HHIP: variants seen among roughly 807,000 people sequenced by gnomAD.
The protein encoded by HHIP is hedgehog-interacting protein.
Under a neutral mutation model 74.0 loss-of-function variants are expected in HHIP, and 12 were observed. That is an observed-to-expected ratio of 0.16 (90% confidence interval 0.10 to 0.26). The LOEUF (loss-of-function observed/expected upper bound fraction) is 0.26, where lower values mean the gene tolerates loss of function less well. Among genes scored for constraint, HHIP ranks in the 10% least tolerant of loss-of-function variants. HHIP has a pLI of 1.00. For missense variants in HHIP, 788 were observed against 845.0 expected (o/e 0.93, Z 0.84); for synonymous variants, 309 against 311.6 (o/e 0.99, Z 0.09).
chr4:144,683,557 CT>C (rs1451626137), intron 4 of HHIP, among the ~76,000 whole-genome samples: 2 of 152,186 alleles, frequency 1.3e-5, no homozygotes, highest in African/African-American at 4.8e-5. Flanking sequence ...ATACCAACTG[CT>C]TCCACATATG....
At chr4:144,651,036 A>G (rs2126574883) in intron 1 of HHIP, 1 of 152,280 alleles carries the variant, frequency 6.6e-6, no homozygotes, top group East Asian at 1.9e-4. Context: ...GTGGACTGCC[A>G]TATGATAAAC....
intron 4 of HHIP, among the ~76,000 whole-genome samples, chr4:144,664,133 A>T (rs1418759297): frequency 6.6e-6 from 1 of 152,248 alleles, no homozygotes; most frequent in Non-Finnish European, 1.5e-5. Flanking sequence ...AACAAGTGTC[A>T]CTGGACTCCT....
chr4:144,738,325 A>T lies in HHIP; in HGVS notation c.*368A>T, dbSNP rs1469770806. On this transcript the variant is annotated 3_prime_UTR_variant, in exon 13 of 13. Coordinates refer to ENST00000296575, the MANE Select transcript of HHIP (RefSeq NM_022475.3). ...TTTCTGTCTGTAATCACTAAAGTCA[A>T]CTTTAATAGAGTTTTGAAACAGTAC... 1 of 982,600 alleles carries T rather than the reference A, an allele frequency of 1.0e-6. No individual in the cohort carries two copies. The highest frequency in any genetic ancestry group is 1.7e-5 in the African/African-American group (1 of 57,208). The allele number at this position is 982,600 out of a possible 1,614,324, so 60.9% of individuals were successfully genotyped here. A position where few individuals can be genotyped will look rare whatever the true frequency, so the allele number is the denominator to read the frequency against.
rs559488932 is a variant in HHIP at position 144,696,811 on chromosome 4, C to T, written c.832-9720C>T. 1.9e-4 allele frequency among the ~76,000 whole-genome samples: 29 copies of T among 151,030 alleles called. No homozygotes were observed. The South Asian group carries it at 3.5e-3, about 18-fold the overall frequency. ...AAATCACTCAGCACAGTCTCTGTCA[C>T]GCAGTAAGAACTCAGTACATCCTAT... On this transcript the variant is annotated intron_variant, in intron 4 of 12. Transcript: ENST00000296575.
chr4:144,674,971 T>C (rs1729134507), intron 4 of HHIP, among the ~76,000 whole-genome samples: 1 of 152,220 alleles, frequency 6.6e-6, no homozygotes, highest in Non-Finnish European at 1.5e-5. Context: ...TTTGTGTTTC[T>C]AATTCTAAAT....
chr4:144,672,788 G>A (rs1274383511), intron 4 of HHIP, among the ~76,000 whole-genome samples: 2 of 152,086 alleles, frequency 1.3e-5, no homozygotes, highest in African/African-American at 4.8e-5. Context: ...TGCAACCCCT[G>A]CCTCCCGGGT....
intron 4 of HHIP, among the ~76,000 whole-genome samples, chr4:144,706,003 G>A (rs1014747640): frequency 7.9e-5 from 12 of 152,186 alleles, no homozygotes; most frequent in Admixed American, 1.3e-4. Flanking sequence ...GACCACCATC[G>A]TTGTGACAAC....
At chr4:144,721,843 C>T (rs1730646500) in intron 11 of HHIP, among the ~76,000 whole-genome samples, 1 of 150,034 alleles carries the variant, frequency 6.7e-6, no homozygotes, top group South Asian at 2.1e-4. Context: ...GAGGAGGTTG[C>T]AGTGAATCGA....
chr4:144,658,772 T>C lies in HHIP; in HGVS notation c.473-18T>C. ...TGACATTAGGTGCTTCTAATGAGTC[T>C]TTTTATATTTTTTAAAGGTTTCCTT... On this transcript the variant is annotated intron_variant, in intron 2 of 12. Transcript: ENST00000296575. 6.2e-7 allele frequency: 1 copy of C among 1,604,456 alleles called. No homozygotes were observed. Among genetic ancestry groups the C allele is most frequent in the Non-Finnish European group, 8.5e-7 (1 of 1,174,816 alleles).
At position 144,741,406 on chromosome 4, in the gene HHIP, G is replaced by A. The variant is rs1731259951; in HGVS notation, c.*3449G>A. The A allele has an allele frequency of 1.6e-5, 2 of 125,146 alleles. No individual in the cohort carries two copies. The highest frequency in any genetic ancestry group is 9.4e-5 in the Admixed American group (1 of 10,592). The allele number at this position is 125,146 out of a possible 1,614,324, so 7.8% of individuals were successfully genotyped here. A position where few individuals can be genotyped will look rare whatever the true frequency, so the allele number is the denominator to read the frequency against. On this transcript the variant is annotated 3_prime_UTR_variant, in exon 13 of 13. Transcript: ENST00000296575. ...GTTTCTTTTTTTTTTTTTTTGAGAC[G>A]GAGCCTTGCTATGTTGCCCAGGCTG...
intron 4 of HHIP, among the ~76,000 whole-genome samples, chr4:144,704,241 C>T (rs772270291): frequency 2.6e-5 from 4 of 152,152 alleles, no homozygotes; most frequent in Non-Finnish European, 5.9e-5. Flanking sequence ...AATTTCTAAA[C>T]TACTTTGCAC....
Position 144,737,908 on chromosome 4 carries a change from T to G in HHIP, c.2054T>G (p.Ile685Ser), listed in dbSNP as rs1158444668. The change falls in exon 13 of 13, where the codon ATC becomes AGC. Residue 685 changes from isoleucine (I) to serine (S), a missense_variant. Transcript: ENST00000296575. ...RVTRAGILDQ[I>S]IDMTSYLLDL... ...ACCAGGGCAGGTATTCTTGATCAGATCATTGACATGACATCTTACTTGCTG... is the reference window on the plus strand; with the variant it reads ...ACCAGGGCAGGTATTCTTGATCAGAGCATTGACATGACATCTTACTTGCTG... 4 of 1,613,252 alleles carry G rather than the reference T, an allele frequency of 2.5e-6. No homozygotes were observed. The highest frequency in any genetic ancestry group is 3.4e-6 in the Non-Finnish European group (4 of 1,179,506).
intron 10 of HHIP, 199 bp downstream of exon 10, chr4:144,715,629 T>C (rs1009964328): frequency 2.7e-6 from 1 of 373,758 alleles, no homozygotes; most frequent in South Asian, 1.0e-4. Context: ...AGAGCCTTTA[T>C]ATTTTATTTT....
intron 1 of HHIP, chr4:144,650,543 C>T (rs1324753133): frequency 6.6e-6 from 1 of 152,076 alleles, no homozygotes; most frequent in Non-Finnish European, 1.5e-5. Context: ...CACACCCAGA[C>T]TCATCTGTCT....
intron 4 of HHIP, among the ~76,000 whole-genome samples, chr4:144,683,787 T>C (rs943234336): frequency 2.0e-5 from 3 of 152,170 alleles, no homozygotes; most frequent in Admixed American, 2.0e-4. Context: ...GCCAGAGAGA[T>C]TCCATGGCCC....
At chr4:144,709,885 C>A (rs1280488113) in intron 7 of HHIP, among the ~76,000 whole-genome samples, 2 of 152,164 alleles carry the variant, frequency 1.3e-5, no homozygotes, top group Non-Finnish European at 2.9e-5. Context: ...TTATGATCAT[C>A]CCCCATAGAG....
At position 144,739,386 on chromosome 4, in the gene HHIP, T is replaced by C. The variant is rs1731209615; in HGVS notation, c.*1429T>C. 1 of 152,248 alleles carries C rather than the reference T, an allele frequency of 6.6e-6. No homozygotes were observed. The highest frequency in any genetic ancestry group is 2.1e-4 in the South Asian group (1 of 4,834). 9.4% of individuals were successfully genotyped at this position (152,248 alleles called of 1,614,324 possible). On this transcript the variant is annotated 3_prime_UTR_variant, in exon 13 of 13. Transcript: ENST00000296575. ...TATGGCTGTCCTTCTTCTGTAAACA[T>C]CCATTCCTCTAGAATCTAAATTGTA...
chr4:144,715,147 T>C (rs1730410191), intron 9 of HHIP, 153 bp from the exon 10 acceptor site: 1 of 621,654 alleles, frequency 1.6e-6, no homozygotes, highest in Non-Finnish European at 2.7e-6. Flanking sequence ...TTCACAGTAC[T>C]CACACACGTT....
chr4:144,646,638 A>C lies in HHIP; in HGVS notation c.-38A>C. On this transcript the variant is annotated 5_prime_UTR_variant, in exon 1 of 13. Transcript: ENST00000296575. ...CTGCTGGGCAGTGGCGTTCCCCCCC[A>C]TCCTCCCGCGCCCAGCCCCTGCTGC... 1 of 1,593,384 alleles carries C rather than the reference A, an allele frequency of 6.3e-7. No homozygotes were observed. The highest frequency in any genetic ancestry group is 8.6e-7 in the Non-Finnish European group (1 of 1,168,336).
Sources: gnomAD v4.1 joint callset for allele counts (sites outside exome capture counted in the v4.1 genomes callset) on GRCh38, gnomAD v4.1.1 for gene constraint, MANE v1.5 for transcripts, NCBI Gene and HGNC (gene_info 2026-07-23, HGNC 2026-07-21) for gene names.